Variants in CATSPERT observed in about 807,000 individuals in gnomAD.
CATSPERT encodes the protein cation channel sperm-associated targeting subunit tau.
the CATSPERT span, among the ~76,000 whole-genome samples, chr2:201,536,769 C>T: frequency 6.6e-6 from 1 of 151,816 alleles, no homozygotes; most frequent in Admixed American, 6.6e-5. Flanking sequence ...AAAGGATAGC[C>T]TGTTAAACTA....
At chr2:201,515,817 A>G in the CATSPERT span, among the ~76,000 whole-genome samples, 1 of 152,216 alleles carries the variant, frequency 6.6e-6, no homozygotes, top group African/African-American at 2.4e-5. Flanking sequence ...CCTGTGGCAA[A>G]TGGCAAGGAC....
the CATSPERT span, among the ~76,000 whole-genome samples, chr2:201,505,561 T>A: frequency 3.3e-5 from 5 of 152,158 alleles, no homozygotes; most frequent in Non-Finnish European, 4.4e-5. Context: ...AAACACAGAT[T>A]GGGGACATTC....
chr2:201,523,083 C>A, the CATSPERT span, among the ~76,000 whole-genome samples: 27 of 152,318 alleles, frequency 1.8e-4, 1 homozygote, highest in African/African-American at 6.3e-4. Flanking sequence ...AGCCTCCCCC[C>A]ACCACTTTGC....
At chr2:201,561,917 CACCT>C in the CATSPERT span, among the ~76,000 whole-genome samples, 5 of 151,590 alleles carry the variant, frequency 3.3e-5, no homozygotes, top group African/African-American at 1.2e-4. Flanking sequence ...TAATATAAAA[CACCT>C]ACAACAGCCT....
At chr2:201,488,945 T>C in the CATSPERT span, among the ~76,000 whole-genome samples, 1 of 152,160 alleles carries the variant, frequency 6.6e-6, no homozygotes, top group African/African-American at 2.4e-5. Context: ...TGTTAGTGAG[T>C]AACACATAAT....
chr2:201,543,760 C>T, the CATSPERT span, among the ~76,000 whole-genome samples: 1 of 151,968 alleles, frequency 6.6e-6, no homozygotes, highest in Admixed American at 6.6e-5. Flanking sequence ...TGTGTGGAGT[C>T]TACAGAATTT....
At chr2:201,533,235 T>A in the CATSPERT span, among the ~76,000 whole-genome samples, 8 of 152,196 alleles carry the variant, frequency 5.3e-5, no homozygotes, top group Non-Finnish European at 1.0e-4. Flanking sequence ...AAAAGACACA[T>A]ATGTGAAATT....
At chr2:201,503,610 C>T in the CATSPERT span, among the ~76,000 whole-genome samples, 1 of 152,138 alleles carries the variant, frequency 6.6e-6, no homozygotes, top group Non-Finnish European at 1.5e-5. Context: ...GTTACCCAGG[C>T]TGGTCTTGAA....
the CATSPERT span, among the ~76,000 whole-genome samples, chr2:201,612,413 A>C: frequency 6.6e-6 from 1 of 151,960 alleles, no homozygotes; most frequent in South Asian, 2.1e-4. Flanking sequence ...ATCTCTACTA[A>C]AAATACAAAA....
the CATSPERT span, chr2:201,534,529 C>CA: frequency 1.0e-6 from 1 of 982,304 alleles, no homozygotes; most frequent in Non-Finnish European, 1.2e-6. Flanking sequence ...AAAACCTAAA[C>CA]AAAATCCCCA....
chr2:201,577,595 A>G, the CATSPERT span, among the ~76,000 whole-genome samples: 317 of 152,346 alleles, frequency 2.1e-3, no homozygotes, highest in African/African-American at 7.2e-3. Flanking sequence ...TGACATGGAT[A>G]AAACTGGAGA....
chr2:201,494,403 A>G, the CATSPERT span: 3 of 1,537,418 alleles, frequency 2.0e-6, no homozygotes, highest in Non-Finnish European at 2.6e-6. Flanking sequence ...GTACATTTCC[A>G]GCCCTTGATG....
chr2:201,603,243 G>A, the CATSPERT span: 2 of 1,611,398 alleles, frequency 1.2e-6, no homozygotes. Flanking sequence ...TAAAATGTCT[G>A]CAGTTCTTTA....
the CATSPERT span, among the ~76,000 whole-genome samples, chr2:201,579,025 T>C: frequency 1.4e-4 from 22 of 152,188 alleles, no homozygotes; most frequent in African/African-American, 4.6e-4. Flanking sequence ...TGTGTGTGTA[T>C]AGATATGTTT....
At chr2:201,598,079 TTTTTTGTTG>T in the CATSPERT span, among the ~76,000 whole-genome samples, 3 of 152,004 alleles carry the variant, frequency 2.0e-5, no homozygotes, top group African/African-American at 7.2e-5. Flanking sequence ...TTAATCATGG[TTTTTTGTTG>T]TTTTTGTTGT....
the CATSPERT span, among the ~76,000 whole-genome samples, chr2:201,599,791 A>G: frequency 6.6e-6 from 1 of 152,212 alleles, no homozygotes; most frequent in Non-Finnish European, 1.5e-5. Context: ...ACACCTTACT[A>G]TATACTTTAC....
the CATSPERT span, chr2:201,511,718 A>T: frequency 6.6e-6 from 1 of 151,960 alleles, no homozygotes; most frequent in African/African-American, 2.4e-5. Flanking sequence ...AACTATTGAA[A>T]GACTGTCACC....
chr2:201,616,588 C>A, the CATSPERT span, among the ~76,000 whole-genome samples: 1 of 152,168 alleles, frequency 6.6e-6, no homozygotes, highest in Non-Finnish European at 1.5e-5. Context: ...ATGACAAACC[C>A]ATAGCCAATA....
chr2:201,603,457 A>G, the CATSPERT span, among the ~76,000 whole-genome samples: 17 of 152,244 alleles, frequency 1.1e-4, no homozygotes, highest in Non-Finnish European at 1.2e-4. Flanking sequence ...GCAGAAATAC[A>G]GAAGAAAAAT....
Sources: gnomAD v4.1 joint callset for allele counts (sites outside exome capture counted in the v4.1 genomes callset) on GRCh38, gnomAD v4.1.1 for gene constraint, MANE v1.5 for transcripts, NCBI Gene and HGNC (gene_info 2026-07-23, HGNC 2026-07-21) for gene names.